The following CFAP74 variants were observed in gnomAD, a reference collection of about 807,000 sequenced individuals.
CFAP74 encodes the protein cilia- and flagella-associated protein 74.
Under a neutral mutation model 188.9 loss-of-function variants are expected in CFAP74, and 124 were observed. The observed-to-expected ratio is 0.66, with a 90% CI of 0.57 to 0.76. The LOEUF is 0.76. CFAP74 is among the 30% of genes least tolerant of loss of function. The pLI is 0.00. For synonymous variants in CFAP74, 956 were observed against 916.7 expected (o/e 1.04, Z -0.77); for missense variants, 2,198 against 2,165.2 (o/e 1.02, Z -0.30).
intron 12 of CFAP74, 81 bp downstream of exon 12, chr1:1,966,290 G>A (rs1655461835): frequency 3.1e-5 from 40 of 1,307,358 alleles, no homozygotes; most frequent in Non-Finnish European, 3.9e-5. Flanking sequence ...TGGTGTGGCC[G>A]GGGCAGGCGT....
chr1:1,922,903 A>C, intron 37 of CFAP74, 82 bp downstream of exon 37: 4 of 1,505,650 alleles, frequency 2.7e-6, no homozygotes, highest in Non-Finnish European at 3.5e-6. Context: ...AGTGAGGGGC[A>C]AGGCCAGGAG....
intron 25 of CFAP74, among the ~76,000 whole-genome samples, chr1:1,932,265 T>C (rs1390360573): frequency 1.3e-4 from 19 of 149,294 alleles, no homozygotes; most frequent in African/African-American, 3.2e-4. Context: ...GGCGTGGTGG[T>C]GGGCACCTGT....
At chr1:1,988,423 G>C in intron 4 of CFAP74, 89 bp downstream of exon 4, 1 of 1,525,784 alleles carries the variant, frequency 6.6e-7, no homozygotes, top group Non-Finnish European at 8.9e-7. Context: ...TCAGGGTGAC[G>C]ACAGGTACAG....
At chr1:1,960,482 C>T (rs1655005867) in intron 14 of CFAP74, among the ~76,000 whole-genome samples, 2 of 152,228 alleles carry the variant, frequency 1.3e-5, no homozygotes, top group South Asian at 2.1e-4. Flanking sequence ...CCTCGGGACC[C>T]TCTCAGCCCC....
chr1:1,994,261 A>T (rs1055995708), intron 1 of CFAP74, among the ~76,000 whole-genome samples: 1 of 151,968 alleles, frequency 6.6e-6, no homozygotes, highest in Non-Finnish European at 1.5e-5. Flanking sequence ...ACCATTTTGC[A>T]TTGAAATAAT....
At chr1:1,953,769 C>T (rs1331684377) in intron 18 of CFAP74, 1 of 153,520 alleles carries the variant, frequency 6.5e-6, no homozygotes, top group Non-Finnish European at 1.5e-5. Context: ...AAGCGATGTC[C>T]TATGTCTTTA....
Position 1,968,362 on chromosome 1 carries a change from CGCAG to C in CFAP74, c.1245+269_1245+272del, listed in dbSNP as rs1655629420. Among the ~76,000 whole-genome samples the C allele has an allele frequency of 6.6e-6, 1 of 151,980 alleles. No individual in the cohort carries two copies. On this transcript the variant is annotated intron_variant, in intron 11 of 38. Coordinates refer to ENST00000682832, the MANE Select transcript of CFAP74 (RefSeq NM_001304360.2). This position sits in a 1 kb window ranked among gnomAD's most constrained non-coding sequence, Gnocchi z 4.3. The stretch of plus-strand genomic sequence containing the variant: ...TGGGCAGCAACACTGCTGGGGGTGA[CGCAG>C]GGTCTGGTGGGCACACCGAGACCAG...
At chr1:1,946,601 G>A (rs1653792755) in intron 19 of CFAP74, among the ~76,000 whole-genome samples, 162 bp from the exon 20 acceptor site, 1 of 152,174 alleles carries the variant, frequency 6.6e-6, no homozygotes, top group African/African-American at 2.4e-5. Flanking sequence ...CCCAGCCCTT[G>A]GAGGACTTAC....
intron 18 of CFAP74, among the ~76,000 whole-genome samples, chr1:1,947,895 C>T (rs1390829568): frequency 3.3e-5 from 5 of 151,858 alleles, no homozygotes; most frequent in Non-Finnish European, 5.9e-5. Context: ...TTCTTTTAGA[C>T]GGAGTCTCGG....
At chr1:1,954,460 G>A (rs1654401332) in intron 18 of CFAP74, 1 of 154,304 alleles carries the variant, frequency 6.5e-6, no homozygotes, top group Admixed American at 6.5e-5. Flanking sequence ...ACTGTTGGTG[G>A]GAGTGTAAAC....
At chr1:1,954,977 A>G (rs1401630218) in intron 18 of CFAP74, 1 of 1,209,206 alleles carries the variant, frequency 8.3e-7, no homozygotes, top group Admixed American at 3.7e-5. Flanking sequence ...CTAGAACCCG[A>G]GGCTCTCTCA....
rs943719703 is a variant in CFAP74 at position 1,964,647 on chromosome 1, A to G, written c.1575+241T>C. Among the ~76,000 whole-genome samples the G allele has an allele frequency of 3.3e-5, 5 of 152,158 alleles. No individual in the cohort carries two copies. In the South Asian group the frequency reaches 8.3e-4, roughly 25 times the overall value. On this transcript the variant is annotated intron_variant, in intron 13 of 38. Transcript: ENST00000682832. ...TCTACTAAAAATACAAAAATTAGCC[A>G]GGCGTGGTGGCAGGCGCCTGTAATC...
At chr1:1,966,051 A>G (rs1655443084) in intron 12 of CFAP74, among the ~76,000 whole-genome samples, 1 of 152,236 alleles carries the variant, frequency 6.6e-6, no homozygotes, top group Admixed American at 6.5e-5. Context: ...AGTAGCTCAG[A>G]GTCATTCCCT....
chr1:1,969,709 C>A (rs1006823416), intron 10 of CFAP74, among the ~76,000 whole-genome samples: 1 of 152,212 alleles, frequency 6.6e-6, no homozygotes, highest in Non-Finnish European at 1.5e-5. Flanking sequence ...AGGACCCCCC[C>A]GCCCAGGTGG....
At chr1:1,955,951 A>T (rs1654592245) in intron 17 of CFAP74, 101 bp from the exon 18 acceptor site, 9 of 1,467,570 alleles carry the variant, frequency 6.1e-6, no homozygotes, top group Non-Finnish European at 8.1e-6. Flanking sequence ...TGGGGGCTGG[A>T]CCCTGGCTCC....
At position 1,988,575 on chromosome 1, in the gene CFAP74, C is replaced by T. The variant is rs769239846; in HGVS notation, c.233G>A (p.Arg78Gln). The T allele has an allele frequency of 6.1e-5, 99 of 1,613,342 alleles. No homozygotes were observed. Among genetic ancestry groups the T allele is most frequent in the Non-Finnish European group, 7.2e-5 (85 of 1,180,034 alleles). The change falls in exon 4 of 39, where the codon CGG (arginine) becomes CAG (glutamine). Residue 78 changes from arginine to glutamine, a missense_variant. Arg to Gln is a conservative substitution (Grantham distance 43, BLOSUM62 1). Transcript: ENST00000682832. ...CTTATCCAGGGCGCTCAGGTTCTGC[C>T]GCAGGTGAAATGCCTGCGTTCTGTC... is the stretch of plus-strand genomic sequence containing the variant. ...AEDRTQAFHL[R>Q]QNLSALDKMH... is the part of the protein sequence containing the mutation.
intron 28 of CFAP74, 200 bp downstream of exon 28, chr1:1,927,407 G>C: frequency 1.6e-6 from 1 of 608,692 alleles, no homozygotes; most frequent in South Asian, 2.0e-5. Flanking sequence ...CTGTGTGCAG[G>C]GGTGTCAGGC....
Position 1,938,550 on chromosome 1 carries a change from A to G in CFAP74, c.3011+305T>C, listed in dbSNP as rs570677316. On this transcript the variant is annotated intron_variant, in intron 25 of 38. Coordinates refer to ENST00000682832, the MANE Select transcript of CFAP74 (RefSeq NM_001304360.2). ...TGCTCCTACAGTGATACGTCTGCGCACACACGTTCACACACACACACAGGC... is the reference window on the plus strand; with the variant it reads ...TGCTCCTACAGTGATACGTCTGCGCGCACACGTTCACACACACACACAGGC... 1.8e-3 allele frequency among the ~76,000 whole-genome samples: 276 copies of G among 151,862 alleles called. 1 individual carries two copies. Among genetic ancestry groups the G allele is most frequent in the Non-Finnish European group, 3.5e-3 (238 of 67,982 alleles).
At chr1:1,967,123 A>C (rs974234125) in intron 11 of CFAP74, among the ~76,000 whole-genome samples, 1 of 152,148 alleles carries the variant, frequency 6.6e-6, no homozygotes, top group Admixed American at 6.5e-5. Flanking sequence ...GGTGTGAGCC[A>C]CCGCGCCTGG....
Sources: gnomAD v4.1 joint callset for allele counts (sites outside exome capture counted in the v4.1 genomes callset) on GRCh38, gnomAD v4.1.1 for gene constraint, Gnocchi (gnomAD v3.1) non-coding constraint, MANE v1.5 for transcripts, NCBI Gene and HGNC (gene_info 2026-07-23, HGNC 2026-07-21) for gene names.